TMED10: variants seen among roughly 807,000 people sequenced by gnomAD.
TMED10 encodes the protein transmembrane p24 trafficking protein 10, also known as transmembrane emp24 domain-containing protein 10.
A neutral mutation model predicts 23.1 loss-of-function variants in TMED10; 7 were observed. The observed-to-expected ratio is 0.30, with a 90% CI of 0.17 to 0.57. TMED10 has a LOEUF of 0.57. Ranked by LOEUF, TMED10 falls within the 20% of genes least tolerant of loss-of-function variation. The probability of loss-of-function intolerance (pLI) is 0.91; values close to 1 mark genes in which losing one functional copy is unlikely to be tolerated. For synonymous variants in TMED10, 113 were observed against 106.9 expected (o/e 1.06, Z -0.35); for missense variants, 162 against 274.8 (o/e 0.59, Z 2.90).
intron 3 of TMED10, among the ~76,000 whole-genome samples, chr14:75,145,847 T>C (rs1400461318): frequency 2.6e-5 from 4 of 152,076 alleles, no homozygotes; most frequent in Non-Finnish European, 2.9e-5. Context: ...AAGATTACAA[T>C]AGGTAAAATT....
chr14:75,147,742 GA>G lies in TMED10; in HGVS notation c.338-6del. The G allele has an allele frequency of 6.2e-7, 1 of 1,614,026 alleles. No individual in the cohort carries two copies. Among genetic ancestry groups the G allele is most frequent in the Non-Finnish European group, 8.5e-7 (1 of 1,180,028 alleles). On this transcript the variant is annotated splice_polypyrimidine_tract_variant and splice_region_variant and intron_variant, in intron 2 of 4. Transcript: ENST00000303575. ...GGTCAGGTATCCGCCCTGTTCCTGA[GA>G]AAGAAATCAAAGGAATCATTGTGTG...
At chr14:75,143,779 C>A (rs1246698232) in intron 3 of TMED10, among the ~76,000 whole-genome samples, 1 of 152,030 alleles carries the variant, frequency 6.6e-6, no homozygotes, top group Admixed American at 6.6e-5. Flanking sequence ...ACTAAAAATA[C>A]AAAAATTAGC....
chr14:75,147,691 A>G lies in TMED10; in HGVS notation c.384T>C (p.His128=), dbSNP rs781012624. ...PDQLVILDMK[H]GVEAKNYEEI... is the part of the protein sequence containing the mutation. ...CTTCGTAATTTTTCGCCTCCACTCC[A>G]TGCTTCATGTCTAGGATCACGAGTT... The change falls in exon 3 of 5, where the codon CAT becomes CAC. Residue 128 remains histidine, a synonymous_variant. Transcript: ENST00000303575. 5.0e-6 allele frequency: 8 copies of G among 1,614,088 alleles called. No homozygotes were observed. Among genetic ancestry groups the G allele is most frequent in the South Asian group, 2.2e-5 (2 of 91,082 alleles).
chr14:75,133,952 T>G lies in TMED10; in HGVS notation c.*933A>C. On this transcript the variant is annotated 3_prime_UTR_variant, in exon 5 of 5. Transcript: ENST00000303575. Reference sequence around the variant, plus strand: ...CTATTCATACATGCAACAACTTGGATGGATTTCAAGGGAATTATGCTGAAT... The same window carrying G: ...CTATTCATACATGCAACAACTTGGAGGGATTTCAAGGGAATTATGCTGAAT... 1 of 264,422 alleles carries G rather than the reference T, an allele frequency of 3.8e-6. No homozygotes were observed. Among genetic ancestry groups the G allele is most frequent in the South Asian group, 3.4e-5 (1 of 29,850 alleles). 16.4% of individuals were successfully genotyped at this position (264,422 alleles called of 1,614,324 possible). A position where few individuals can be genotyped will look rare whatever the true frequency, so the allele number is the denominator to read the frequency against.
intron 3 of TMED10, among the ~76,000 whole-genome samples, chr14:75,144,803 A>G (rs1311229977): frequency 6.6e-6 from 1 of 152,120 alleles, no homozygotes; most frequent in African/African-American, 2.4e-5. Context: ...GACTACAGGT[A>G]CCCGCCACCA....
At position 75,135,881 on chromosome 14, in the gene TMED10, T is replaced by G; in HGVS notation, c.417A>C (p.Ala139=). The stretch of plus-strand genomic sequence containing the variant: ...CTAATGGTTTGAGCTTCTCAACTTT[T>G]GCAATCTGGAAAAGAATGGAATATT... The part of the protein sequence containing the change: ...GVEAKNYEEI[A]KVEKLKPLEV... The change falls in exon 4 of 5, where the codon GCA becomes GCC. Residue 139 remains alanine, a synonymous_variant. Coordinates refer to ENST00000303575, the MANE Select transcript of TMED10 (RefSeq NM_006827.6). 1 of 1,613,612 alleles carries G rather than the reference T, an allele frequency of 6.2e-7. No homozygotes were observed. Among genetic ancestry groups the G allele is most frequent in the Non-Finnish European group, 8.5e-7 (1 of 1,179,896 alleles).
At chr14:75,175,039 C>CAAAAAAAAAAA (rs57423430) in intron 1 of TMED10, among the ~76,000 whole-genome samples, 5 of 87,060 alleles carry the variant, frequency 5.7e-5, no homozygotes, top group South Asian at 7.3e-4. Context: ...GACTCCGTCT[C>CAAAAAAAAAAA]AAAAAAAAAA....
intron 1 of TMED10, among the ~76,000 whole-genome samples, chr14:75,161,154 T>G (rs1209900178): frequency 6.6e-6 from 1 of 152,184 alleles, no homozygotes; most frequent in Non-Finnish European, 1.5e-5. Context: ...AACAGGTAAC[T>G]GGGAAGATAA....
In TMED10 at chr14:75,171,455, T is replaced by A. The variant is rs150894538; in HGVS notation, c.225+4900A>T. On this transcript the variant is annotated intron_variant, in intron 1 of 4. Coordinates refer to ENST00000303575, the MANE Select transcript of TMED10 (RefSeq NM_006827.6). ...CCACCATGCCCAGCTAATTTTTGTA[T>A]GTTTGGTGAAGACGGGGTTTCACCA... 1.6e-4 allele frequency among the ~76,000 whole-genome samples: 24 copies of A among 152,146 alleles called. 1 individual carries two copies. The East Asian group carries it at 4.5e-3, about 28-fold the overall frequency.
intron 1 of TMED10, among the ~76,000 whole-genome samples, chr14:75,163,552 C>CAAAAA (rs758185921): frequency 1.6e-3 from 97 of 60,656 alleles, no homozygotes; most frequent in Non-Finnish European, 1.9e-3. Flanking sequence ...GACTCCGTAT[C>CAAAAA]AAAAAAAAAA....
rs759208289 is a variant in TMED10 at position 75,176,573 on chromosome 14, C to T, written c.7G>A (p.Gly3Ser). The part of the protein sequence containing the change: MS[G>S]LSGPPARRGP... ...CGCCGGGCTGGTGGGCCAGACAAAC[C>T]AGACATGGTGCTGGAGACTCGTTCA... Residue 3 changes from glycine to serine, a missense_variant, in exon 1 of 5, where the codon GGT becomes AGT. Transcript: ENST00000303575. 1.2e-5 allele frequency: 20 copies of T among 1,613,994 alleles called. No individual in the cohort carries two copies. The highest frequency in any genetic ancestry group is 1.7e-5 in the Non-Finnish European group (20 of 1,180,014).
In TMED10 at chr14:75,152,158, G is replaced by T; in HGVS notation, c.226-15C>A. 1 of 1,604,050 alleles carries T rather than the reference G, an allele frequency of 6.2e-7. No homozygotes were observed. On this transcript the variant is annotated splice_polypyrimidine_tract_variant and intron_variant, in intron 1 of 4. Transcript: ENST00000303575. ...GAATCTGTGATCTAAAATAAGAAAA[G>T]TAGTAAGAATAGGCAGCAAATAACA...
At chr14:75,135,606 C>T in intron 4 of TMED10, 154 bp downstream of exon 4, 5 of 1,034,268 alleles carry the variant, frequency 4.8e-6, no homozygotes, top group Non-Finnish European at 5.5e-6. Flanking sequence ...TAACAAGGCT[C>T]ATTTACCTTT....
At chr14:75,135,155 G>A (rs545268761) in intron 4 of TMED10, 149 bp from the exon 5 acceptor site, 4 of 1,068,220 alleles carry the variant, frequency 3.7e-6, no homozygotes, top group African/African-American at 3.2e-5. Context: ...TTCTTTTTAA[G>A]TTCATTATCC....
chr14:75,170,538 T>C (rs951929010), intron 1 of TMED10, among the ~76,000 whole-genome samples: 5 of 152,018 alleles, frequency 3.3e-5, no homozygotes, highest in African/African-American at 9.7e-5. Flanking sequence ...GGAGCCAATA[T>C]GAAGGAACCA....
intron 1 of TMED10, among the ~76,000 whole-genome samples, chr14:75,164,569 A>ATTT (rs1896134516): frequency 1.5e-3 from 3 of 1,992 alleles, no homozygotes; most frequent in Non-Finnish European, 2.9e-3. Flanking sequence ...ATATATATAT[A>ATTT]TATATATATT....
chr14:75,158,355 G>A (rs924437449), intron 1 of TMED10, among the ~76,000 whole-genome samples: 4 of 151,996 alleles, frequency 2.6e-5, no homozygotes, highest in Admixed American at 1.3e-4. Context: ...TTTGAGAGGG[G>A]GCCTCACTGT....
chr14:75,147,843 G>C (rs536425513), intron 2 of TMED10, 106 bp from the exon 3 acceptor site: 1 of 986,050 alleles, frequency 1.0e-6, no homozygotes, highest in South Asian at 1.5e-5. Context: ...CCTCTCAATA[G>C]AGGGAAACAG....
intron 1 of TMED10, among the ~76,000 whole-genome samples, chr14:75,171,921 G>T (rs919580413): frequency 1.8e-4 from 28 of 151,800 alleles, no homozygotes; most frequent in Non-Finnish European, 3.1e-4. Context: ...ACCTGAATCT[G>T]GTTACATCTT....
Sources: allele counts gnomAD v4.1 joint callset (sites outside exome capture counted in the v4.1 genomes callset), GRCh38; gene constraint gnomAD v4.1.1; transcripts MANE v1.5; gene names NCBI Gene and HGNC (gene_info 2026-07-23, HGNC 2026-07-21).